Variants in PLAT observed in about 807,000 individuals in gnomAD.
PLAT encodes plasminogen activator, tissue type, also known as tissue-type plasminogen activator.
A neutral mutation model predicts 74.9 loss-of-function variants in PLAT; 48 were observed. That is an observed-to-expected ratio of 0.64 (90% confidence interval 0.51 to 0.82). The LOEUF is 0.82. PLAT is among the 40% of genes least tolerant of loss of function. The pLI, the probability that PLAT is intolerant of heterozygous loss-of-function variation, is 0.00. For synonymous variants in PLAT, 307 were observed against 294.4 expected, an observed-to-expected ratio of 1.04 and a Z score of -0.44; for missense variants, 673 against 736.2, an observed-to-expected ratio of 0.91 and a Z score of 0.99.
In PLAT at chr8:42,176,087, C is replaced by CTGATGA; in HGVS notation, c.1589_1594dup (p.Ile530_Ile531dup). The CTGATGA allele has an allele frequency of 6.2e-7, 1 of 1,614,036 alleles. No homozygotes were observed. Among genetic ancestry groups the CTGATGA allele is most frequent in the Non-Finnish European group, 8.5e-7 (1 of 1,179,952 alleles). On this transcript the variant is annotated inframe_insertion, in exon 14 of 14. Transcript: ENST00000220809. ...CTTCTGTCCACAGCCCAGGCCCCAGCTGATGATGCCCACCAAAGTCATGCG... is the reference window on the plus strand; with the variant it reads ...CTTCTGTCCACAGCCCAGGCCCCAGCTGATGATGATGATGCCCACCAAAGTCATGCG...
At chr8:42,182,222 T>C (rs924880951) in intron 8 of PLAT, 200 bp from the exon 9 acceptor site, 3 of 471,910 alleles carry the variant, frequency 6.4e-6, no homozygotes, top group Non-Finnish European at 7.8e-6. Flanking sequence ...TCAATCCCAT[T>C]TTCAGCCACA....
chr8:42,180,859 G>A (rs1189827345), intron 9 of PLAT, 174 bp from the exon 10 acceptor site: 6 of 554,974 alleles, frequency 1.1e-5, no homozygotes, highest in South Asian at 2.7e-5. Flanking sequence ...AGTTTCAGGA[G>A]GCGGAGACGT....
At position 42,192,981 on chromosome 8, in the gene PLAT, A is replaced by G. The variant is rs563969920; in HGVS notation, c.72+133T>C. 29 of 649,918 alleles carry G rather than the reference A, an allele frequency of 4.5e-5. No individual in the cohort carries two copies. The African/African-American group carries it at 4.5e-4, about 10-fold the overall frequency. 40.3% of individuals were successfully genotyped at this position (649,918 alleles called of 1,614,324 possible). On this transcript the variant is annotated intron_variant, in intron 2 of 13. Transcript: ENST00000220809. Reference sequence around the variant, plus strand: ...GTGCTGTGTGCTCCACAGCAATGCCAGCCCCTCGTCCCTGTGCCTCTCTGC... The same window carrying G: ...GTGCTGTGTGCTCCACAGCAATGCCGGCCCCTCGTCCCTGTGCCTCTCTGC...
intron 1 of PLAT, among the ~76,000 whole-genome samples, chr8:42,199,313 G>A (rs148373572): frequency 1.3e-5 from 2 of 152,270 alleles, no homozygotes; most frequent in African/African-American, 4.8e-5. Flanking sequence ...GAAGAGTATA[G>A]CATCCTCTCA....
intron 1 of PLAT, among the ~76,000 whole-genome samples, chr8:42,199,035 C>T (rs548735725): frequency 6.6e-6 from 1 of 152,294 alleles, no homozygotes; most frequent in Admixed American, 6.5e-5. Context: ...CGTGCTCCCA[C>T]GAAAGCAACC....
chr8:42,205,244 A>G (rs1468098885), intron 1 of PLAT, among the ~76,000 whole-genome samples: 1 of 151,814 alleles, frequency 6.6e-6, no homozygotes, highest in Non-Finnish European at 1.5e-5. Context: ...ATGAAGATTC[A>G]GGCCAGGCAT....
chr8:42,198,932 C>T (rs566152127), intron 1 of PLAT, among the ~76,000 whole-genome samples: 5 of 152,292 alleles, frequency 3.3e-5, no homozygotes, highest in Admixed American at 6.5e-5. Flanking sequence ...AAAGAAACGG[C>T]CAGGATTCCT....
intron 1 of PLAT, among the ~76,000 whole-genome samples, chr8:42,205,400 G>A (rs928983493): frequency 1.3e-5 from 2 of 152,132 alleles, no homozygotes; most frequent in African/African-American, 2.4e-5. Flanking sequence ...GGTGGCAGGC[G>A]CCTGTAATCC....
At chr8:42,178,264 C>CTTTTTTTTTTTT in intron 13 of PLAT, among the ~76,000 whole-genome samples, 1 of 110,072 alleles carries the variant, frequency 9.1e-6, no homozygotes, top group Non-Finnish European at 1.8e-5. Flanking sequence ...ACATTTCTTT[C>CTTTTTTTTTTTT]TTTTTTTTTT....
chr8:42,197,595 T>A (rs904073307), intron 1 of PLAT, among the ~76,000 whole-genome samples: 4 of 152,118 alleles, frequency 2.6e-5, no homozygotes, highest in Non-Finnish European at 5.9e-5. Flanking sequence ...TGATGGTCGA[T>A]GGGCACCAGT....
intron 4 of PLAT, 45 bp from the exon 5 acceptor site, chr8:42,188,061 G>A (rs766949031): frequency 1.7e-6 from 2 of 1,166,130 alleles, no homozygotes; most frequent in Admixed American, 1.8e-5. Context: ...GCCTCCTTCT[G>A]TGTGCTCAGG....
chr8:42,187,882 T>G, intron 5 of PLAT, 24 bp downstream of exon 5: 1 of 1,445,146 alleles, frequency 6.9e-7, no homozygotes, highest in Non-Finnish European at 9.7e-7. Flanking sequence ...TTTCAGCTCG[T>G]TTCACGTGCT....
At chr8:42,203,333 C>T (rs1026929237) in intron 1 of PLAT, among the ~76,000 whole-genome samples, 1 of 152,194 alleles carries the variant, frequency 6.6e-6, no homozygotes, top group Non-Finnish European at 1.5e-5. Flanking sequence ...ATCGGCTGGG[C>T]CTGTTAGCCA....
chr8:42,193,211 T>C lies in PLAT; in HGVS notation c.-26A>G, dbSNP rs766555958. On this transcript the variant is annotated splice_region_variant and 5_prime_UTR_variant, in exon 2 of 14. Coordinates refer to ENST00000220809, the MANE Select transcript of PLAT (RefSeq NM_000930.5). The stretch of plus-strand genomic sequence containing the variant: ...GATTGCTTCACAGCGTCCCTTAAAT[T>C]CTGGAAGGAGAGAAAAAACAGCTTG... 23 of 1,602,252 alleles carry C rather than the reference T, an allele frequency of 1.4e-5. No individual in the cohort carries two copies. Among genetic ancestry groups the C allele is most frequent in the Non-Finnish European group, 1.6e-5 (19 of 1,169,712 alleles).
At chr8:42,195,522 T>C (rs1805873704) in intron 1 of PLAT, 1 of 152,224 alleles carries the variant, frequency 6.6e-6, no homozygotes, top group Admixed American at 6.5e-5. Context: ...GGGTGTCCCT[T>C]TCTCCCCGGG....
In PLAT at chr8:42,187,948, A is replaced by G. The variant is rs1471460909; in HGVS notation, c.322T>C (p.Cys108Arg). Residue 108 changes from cysteine to arginine, a missense_variant, in exon 5 of 14, where the codon TGC becomes CGC. Coordinates refer to ENST00000220809, the MANE Select transcript of PLAT (RefSeq NM_000930.5). Reference sequence around the variant, plus strand: ...CCAGCAAATCCTTCGGGGCACTGGCACACGAAATCTGAGAAGTACAGGGCC... The same window carrying G: ...CCAGCAAATCCTTCGGGGCACTGGCGCACGAAATCTGAGAAGTACAGGGCC... ...QQALYFSDFV[C>R]QCPEGFAGKC... 2 of 1,613,698 alleles carry G rather than the reference A, an allele frequency of 1.2e-6. No homozygotes were observed.
chr8:42,194,046 CTTTCTTT>C (rs1805797316), intron 1 of PLAT, among the ~76,000 whole-genome samples: 1 of 52,852 alleles, frequency 1.9e-5, no homozygotes, highest in South Asian at 7.2e-4. Context: ...CTTCTTTCTT[CTTTCTTT>C]TTTTTTTTTT....
chr8:42,180,213 AAC>A, intron 11 of PLAT, 27 bp downstream of exon 11: 3 of 1,613,636 alleles, frequency 1.9e-6, no homozygotes, highest in Non-Finnish European at 2.5e-6. Context: ...GATCTGTATG[AAC>A]TGGAGCCGGG....
chr8:42,200,194 T>C (rs8178879), intron 1 of PLAT, among the ~76,000 whole-genome samples: 30 of 152,308 alleles, frequency 2.0e-4, no homozygotes, highest in Non-Finnish European at 3.2e-4. Context: ...ATTAAGTCAT[T>C]TGAGGCAATA....
Sources: gnomAD v4.1 joint callset for allele counts (sites outside exome capture counted in the v4.1 genomes callset) on GRCh38, gnomAD v4.1.1 for gene constraint, MANE v1.5 for transcripts, NCBI Gene and HGNC (gene_info 2026-07-23, HGNC 2026-07-21) for gene names.